Variants in BAZ1A observed in about 807,000 individuals in gnomAD.
The protein encoded by BAZ1A is bromodomain adjacent to zinc finger domain protein 1A.
Under a neutral mutation model 185.2 loss-of-function variants are expected in BAZ1A, and 50 were observed. The ratio of observed to expected loss-of-function variants is 0.27; its 90% CI spans 0.22 to 0.34. The LOEUF (loss-of-function observed/expected upper bound fraction) is 0.34. Among genes scored for constraint, BAZ1A ranks in the 10% least tolerant of loss-of-function variants. BAZ1A has a pLI of 1.00. For missense variants in BAZ1A, 1,356 were observed against 1,839.9 expected (o/e 0.74, Z 4.81); for synonymous variants, 571 against 615.6 (o/e 0.93, Z 1.07).
intron 3 of BAZ1A, among the ~76,000 whole-genome samples, chr14:34,837,272 G>A (rs1180314940): frequency 6.7e-6 from 1 of 149,706 alleles, no homozygotes; most frequent in Non-Finnish European, 1.5e-5. Flanking sequence ...TTGAGGCAGG[G>A]TCTCTGTTGC....
chr14:34,826,226 C>G, intron 3 of BAZ1A, 70 bp from the exon 4 acceptor site: 1 of 1,507,304 alleles, frequency 6.6e-7, no homozygotes, highest in African/African-American at 1.4e-5. Context: ...TCAGAGCAAT[C>G]GAATTGTTTT....
chr14:34,868,894 A>ATG (rs763173896), intron 2 of BAZ1A, among the ~76,000 whole-genome samples: 446 of 71,130 alleles, frequency 6.3e-3, no homozygotes, highest in Admixed American at 9.2e-3. Flanking sequence ...GTATGTAAGT[A>ATG]TGTATGTGTG....
chr14:34,841,949 A>T (rs1054983431), intron 3 of BAZ1A, among the ~76,000 whole-genome samples: 4 of 152,174 alleles, frequency 2.6e-5, no homozygotes, highest in African/African-American at 4.8e-5. Flanking sequence ...GTTTTATTTT[A>T]AAAAATTTTT....
chr14:34,762,259 G>A, intron 23 of BAZ1A, 36 bp from the exon 24 acceptor site: 3 of 1,568,502 alleles, frequency 1.9e-6, no homozygotes, highest in Non-Finnish European at 2.6e-6. Flanking sequence ...TTATTGTACA[G>A]AGCAATGATG....
At position 34,875,332 on chromosome 14, in the gene BAZ1A, A is replaced by C. The variant is rs1225423342; in HGVS notation, c.-253T>G. The C allele has an allele frequency of 2.2e-6, 1 of 455,872 alleles. No homozygotes were observed. The highest frequency in any genetic ancestry group is 2.0e-5 in the African/African-American group (1 of 50,058). The allele number at this position is 455,872 out of a possible 1,614,324, so 28.2% of individuals were successfully genotyped here. ...TTCCCCGCCTCTCGGAGCTCCTGGGAAGTTTCTGATCTACTTTCGGCTCTG... is the reference window on the plus strand; with the variant it reads ...TTCCCCGCCTCTCGGAGCTCCTGGGCAGTTTCTGATCTACTTTCGGCTCTG... On this transcript the variant is annotated 5_prime_UTR_variant, in exon 1 of 27. Transcript: ENST00000360310.
At chr14:34,827,683 C>T (rs1382183559) in intron 3 of BAZ1A, among the ~76,000 whole-genome samples, 3 of 149,218 alleles carry the variant, frequency 2.0e-5, no homozygotes, top group Non-Finnish European at 4.4e-5. Context: ...TGCAGTGAGC[C>T]GAGATTGCAC....
chr14:34,869,034 G>A (rs1226282176), intron 2 of BAZ1A, among the ~76,000 whole-genome samples: 2 of 150,514 alleles, frequency 1.3e-5, no homozygotes, highest in South Asian at 4.2e-4. Context: ...GTGAAACCTC[G>A]TCTCTACTAA....
intron 3 of BAZ1A, among the ~76,000 whole-genome samples, chr14:34,853,188 T>C (rs2138794838): frequency 6.6e-6 from 1 of 152,348 alleles, no homozygotes; most frequent in Admixed American, 6.5e-5. Context: ...TCCAATTTAG[T>C]GTTCCTGTCA....
chr14:34,777,447 C>T (rs915266662), intron 17 of BAZ1A, among the ~76,000 whole-genome samples: 3 of 152,006 alleles, frequency 2.0e-5, no homozygotes, highest in Non-Finnish European at 4.4e-5. Context: ...AGTTCTTAAC[C>T]AGCCTGGCCA....
intron 3 of BAZ1A, among the ~76,000 whole-genome samples, chr14:34,848,080 T>C (rs1292526215): frequency 6.6e-6 from 1 of 152,108 alleles, no homozygotes; most frequent in Non-Finnish European, 1.5e-5. Context: ...CAGGCTGGTC[T>C]TGAACTCCTG....
intron 3 of BAZ1A, among the ~76,000 whole-genome samples, chr14:34,855,174 T>C (rs2042657205): frequency 6.6e-6 from 1 of 152,222 alleles, no homozygotes; most frequent in African/African-American, 2.4e-5. Flanking sequence ...GGTTTCTCTG[T>C]ACATGGTTAA....
At chr14:34,865,823 G>C (rs1007551443) in intron 2 of BAZ1A, among the ~76,000 whole-genome samples, 3 of 152,140 alleles carry the variant, frequency 2.0e-5, no homozygotes, top group African/African-American at 7.2e-5. Context: ...AAAGGGAAGG[G>C]AAGAATTCAG....
chr14:34,787,782 T>C (rs1880577955), intron 12 of BAZ1A, among the ~76,000 whole-genome samples: 1 of 152,204 alleles, frequency 6.6e-6, no homozygotes, highest in African/African-American at 2.4e-5. Flanking sequence ...AGCTTACAAA[T>C]AGAACTAAAC....
intron 12 of BAZ1A, 125 bp from the exon 13 acceptor site, chr14:34,786,346 A>T: frequency 1.3e-6 from 1 of 786,368 alleles, no homozygotes; most frequent in Non-Finnish European, 2.0e-6. Context: ...AAGAACAAAC[A>T]CTAGGTACAA....
intron 3 of BAZ1A, among the ~76,000 whole-genome samples, chr14:34,833,760 ATAG>A (rs2042287158): frequency 6.6e-6 from 1 of 152,300 alleles, no homozygotes; most frequent in East Asian, 1.9e-4. Flanking sequence ...AGTTCTGGAA[ATAG>A]TGGTGATATT....
rs192220066 is a variant in BAZ1A, at chr14:34,781,026, A to G, written c.2112-716T>C. On this transcript the variant is annotated intron_variant, in intron 16 of 26. Transcript: ENST00000360310. ...TGGAGGAGAGAAATTCAGAAATAGT[A>G]AACAGGCAGAATGAACACAATATAG... is the stretch of plus-strand genomic sequence containing the variant. 4.9e-4 allele frequency among the ~76,000 whole-genome samples: 74 copies of G among 152,314 alleles called. 1 individual carries two copies. The highest frequency in any genetic ancestry group is 1.8e-3 in the African/African-American group (73 of 41,580).
At chr14:34,820,127 T>G (rs1406937315) in intron 4 of BAZ1A, among the ~76,000 whole-genome samples, 3 of 142,182 alleles carry the variant, frequency 2.1e-5, no homozygotes, top group African/African-American at 2.6e-5. Flanking sequence ...TCCTCGTTTT[T>G]TTTTTTTTTT....
intron 20 of BAZ1A, among the ~76,000 whole-genome samples, chr14:34,771,979 C>CA (rs1205920617): frequency 1.3e-5 from 2 of 151,784 alleles, no homozygotes; most frequent in Non-Finnish European, 2.9e-5. Flanking sequence ...TTTTTTGAGA[C>CA]AGTCTCGCAC....
intron 25 of BAZ1A, among the ~76,000 whole-genome samples, chr14:34,758,115 C>G (rs1037030706): frequency 1.6e-5 from 1 of 62,398 alleles, no homozygotes; most frequent in African/African-American, 4.9e-5. Context: ...GACCCTGTCT[C>G]AAAAAAAAAA....
Sources: gnomAD v4.1 joint callset for allele counts (sites outside exome capture counted in the v4.1 genomes callset) on GRCh38, gnomAD v4.1.1 for gene constraint, MANE v1.5 for transcripts, NCBI Gene and HGNC (gene_info 2026-07-23, HGNC 2026-07-21) for gene names.